DNAH8: variants seen among roughly 807,000 people sequenced by gnomAD.
The protein encoded by DNAH8 is dynein axonemal heavy chain 8, also known as axonemal beta dynein heavy chain 8.
DNAH8 carries 382 observed loss-of-function variants against 562.1 expected under a neutral mutation model. The observed-to-expected ratio is 0.68, with a 90% confidence interval of 0.63 to 0.74. The LOEUF (loss-of-function observed/expected upper bound fraction) is 0.74, where lower values mean the gene tolerates loss of function less well. DNAH8 is among the 30% of genes least tolerant of loss of function. DNAH8 has a pLI of 0.00. For missense variants in DNAH8, 5,203 were observed against 5,620.4 expected (o/e 0.93, Z 2.37); for synonymous variants, 1,881 against 1,919.4 (o/e 0.98, Z 0.52).
chr6:38,883,138 A>C lies in DNAH8; in HGVS notation c.8001+86A>C. 2.2e-6 allele frequency: 3 copies of C among 1,379,746 alleles called. No individual in the cohort carries two copies. The South Asian group carries it at 4.8e-5, about 22-fold the overall frequency. The allele number at this position is 1,379,746 out of a possible 1,614,324, so 85.5% of individuals were successfully genotyped here. ...ACCCATATTTTCTTCCAGCACTTTT[A>C]TAGTACACATTTTACATTTAAATCT... On this transcript the variant is annotated intron_variant, in intron 54 of 92. Coordinates refer to ENST00000327475, the MANE Select transcript of DNAH8 (RefSeq NM_001206927.2).
intron 51 of DNAH8, 27 bp downstream of exon 51, chr6:38,873,174 C>T (rs756738770): frequency 6.2e-7 from 1 of 1,612,902 alleles, no homozygotes; most frequent in East Asian, 2.2e-5. Flanking sequence ...GGAAGAAGAA[C>T]CCTCAGAGTC....
intron 15 of DNAH8, 85 bp from the exon 16 acceptor site, chr6:38,781,169 A>C: frequency 6.9e-7 from 1 of 1,444,596 alleles, no homozygotes; most frequent in Non-Finnish European, 9.6e-7. Context: ...GAATAATGAT[A>C]AAACAATACA....
intron 24 of DNAH8, among the ~76,000 whole-genome samples, chr6:38,810,357 C>T (rs746320455): frequency 3.9e-5 from 6 of 152,066 alleles, no homozygotes; most frequent in Non-Finnish European, 7.4e-5. Context: ...CATGGGAGGC[C>T]GAGGCAGGCG....
At chr6:38,876,200 C>T (rs898565237) in intron 53 of DNAH8, among the ~76,000 whole-genome samples, 1 of 152,226 alleles carries the variant, frequency 6.6e-6, no homozygotes, top group African/African-American at 2.4e-5. Flanking sequence ...CACAATTCCC[C>T]TGTTGGGAAT....
At chr6:39,005,565 G>A (rs896467603) in intron 88 of DNAH8, among the ~76,000 whole-genome samples, 3 of 152,064 alleles carry the variant, frequency 2.0e-5, no homozygotes, top group South Asian at 2.1e-4. Context: ...TTACATTGTC[G>A]TTTTAATTTG....
chr6:38,839,142 C>A (rs1355695175), intron 33 of DNAH8, among the ~76,000 whole-genome samples: 1 of 152,142 alleles, frequency 6.6e-6, no homozygotes, highest in African/African-American at 2.4e-5. Context: ...GAATCAGAAC[C>A]TCTGGGATTG....
chr6:39,023,258 C>T (rs574667635), intron 91 of DNAH8, among the ~76,000 whole-genome samples: 31 of 152,208 alleles, frequency 2.0e-4, no homozygotes, highest in Non-Finnish European at 3.5e-4. Context: ...TTTGGGAGGC[C>T]GAGGCAGGCG....
intron 17 of DNAH8, among the ~76,000 whole-genome samples, chr6:38,783,629 C>G (rs1269764511): frequency 6.6e-6 from 1 of 152,114 alleles, no homozygotes; most frequent in Admixed American, 6.5e-5. Flanking sequence ...TGCACTGTGT[C>G]TGCGTGCCTC....
intron 28 of DNAH8, among the ~76,000 whole-genome samples, chr6:38,825,081 G>A (rs1191163059): frequency 6.6e-6 from 1 of 152,208 alleles, no homozygotes; most frequent in Admixed American, 6.5e-5. Flanking sequence ...TTTTTGGAGA[G>A]TGGCATCTAA....
At chr6:38,845,875 C>T in intron 36 of DNAH8, 102 bp downstream of exon 36, 1 of 971,952 alleles carries the variant, frequency 1.0e-6, no homozygotes, top group South Asian at 1.5e-5. Flanking sequence ...ATGGATTCTG[C>T]ACTAAATTTG....
chr6:38,734,450 TA>T, intron 4 of DNAH8, 23 bp from the exon 5 acceptor site: 4 of 1,611,052 alleles, frequency 2.5e-6, no homozygotes, highest in Non-Finnish European at 3.4e-6. Flanking sequence ...GATTATACGC[TA>T]AGTTCTTGAC....
intron 3 of DNAH8, among the ~76,000 whole-genome samples, chr6:38,726,650 G>A (rs1347619336): frequency 6.6e-6 from 1 of 152,078 alleles, no homozygotes; most frequent in Non-Finnish European, 1.5e-5. Context: ...AGGGAAAATC[G>A]TGTACCCAGT....
intron 5 of DNAH8, among the ~76,000 whole-genome samples, chr6:38,736,176 T>C (rs907515932): frequency 6.6e-6 from 1 of 152,120 alleles, no homozygotes; most frequent in East Asian, 1.9e-4. Flanking sequence ...TGGAAGGTGA[T>C]AATTTCGCTC....
chr6:39,027,358 G>C (rs1767364910), intron 92 of DNAH8, among the ~76,000 whole-genome samples: 1 of 152,252 alleles, frequency 6.6e-6, no homozygotes, highest in Non-Finnish European at 1.5e-5. Flanking sequence ...GGACTAGCAG[G>C]TTGGAGCCAG....
intron 8 of DNAH8, among the ~76,000 whole-genome samples, chr6:38,743,751 C>A (rs935723688): frequency 1.3e-5 from 2 of 152,138 alleles, no homozygotes; most frequent in African/African-American, 4.8e-5. Flanking sequence ...TATGAATATA[C>A]CACATTTTGT....
intron 33 of DNAH8, among the ~76,000 whole-genome samples, chr6:38,840,505 CATG>C (rs1459045855): frequency 3.9e-5 from 6 of 152,228 alleles, no homozygotes; most frequent in African/African-American, 1.2e-4. Context: ...CAAAATATTG[CATG>C]ATAAGGCCCT....
intron 28 of DNAH8, among the ~76,000 whole-genome samples, chr6:38,824,532 T>G (rs1562912151): frequency 6.6e-6 from 1 of 152,202 alleles, no homozygotes. Context: ...ACAATCAGTC[T>G]TATCCTAAGT....
At position 38,872,662 on chromosome 6, in the gene DNAH8, C is replaced by T. The variant is rs779286785; in HGVS notation, c.7117C>T (p.Arg2373Ter). Residue 2373 changes from arginine (R) to a stop codon, truncating the protein, a stop_gained, in exon 50 of 93, where the codon CGA becomes TGA. Transcript: ENST00000327475. LOFTEE classifies it high-confidence loss of function. ...TECGRPHREM[R>*]MNPKAITAPQ... ...ATGCGGAAGGCCTCATAGAGAAATGCGAATGAATCCAAAAGCCATTACTGC... is the reference window on the plus strand; with the variant it reads ...ATGCGGAAGGCCTCATAGAGAAATGTGAATGAATCCAAAAGCCATTACTGC... 14 of 1,613,900 alleles carry T rather than the reference C, an allele frequency of 8.7e-6. No homozygotes were observed. In the Admixed American group the frequency reaches 1.2e-4, roughly 13 times the overall value.
At chr6:38,971,233 A>C (rs541253784) in intron 82 of DNAH8, among the ~76,000 whole-genome samples, 1 of 152,302 alleles carries the variant, frequency 6.6e-6, no homozygotes, top group East Asian at 1.9e-4. Flanking sequence ...CAGCAAAACT[A>C]AAAAATCCTT....
Sources: allele counts gnomAD v4.1 joint callset (sites outside exome capture counted in the v4.1 genomes callset), GRCh38; gene constraint gnomAD v4.1.1; transcripts MANE v1.5; gene names NCBI Gene and HGNC (gene_info 2026-07-23, HGNC 2026-07-21).